ARHGAP44: variants seen among roughly 807,000 people sequenced by gnomAD.
The protein encoded by ARHGAP44 is rho GTPase-activating protein 44.
Under a neutral mutation model 106.8 loss-of-function variants are expected in ARHGAP44, and 43 were observed. The observed-to-expected ratio is 0.40, with a 90% CI of 0.32 to 0.52. The LOEUF (loss-of-function observed/expected upper bound fraction) is 0.52. Ranked by LOEUF, ARHGAP44 falls within the 20% of genes least tolerant of loss-of-function variation. The pLI is 0.48. For synonymous variants in ARHGAP44, 439 were observed against 410.3 expected, an observed-to-expected ratio of 1.07 and a Z score of -0.85; for missense variants, 866 against 1,050.5, an observed-to-expected ratio of 0.82 and a Z score of 2.43.
At chr17:12,801,919 A>G (rs181770664) in intron 1 of ARHGAP44, among the ~76,000 whole-genome samples, 15 of 152,308 alleles carry the variant, frequency 9.8e-5, no homozygotes, top group African/African-American at 3.6e-4. Context: ...CCAGGGCTCA[A>G]AGTAGACAAC....
rs766941988 is a variant in ARHGAP44 at position 12,944,139 on chromosome 17, C to T, written c.804C>T (p.Ile268=). ...EEHLTISGRE[I]AFPIEACVTM... is the part of the protein sequence containing the mutation. Reference sequence around the variant, plus strand: ...ACCTCACCATCAGCGGCCGGGAGATCGCCTTCCCCATCGAGGCGTGTGTGA... The same window carrying T: ...ACCTCACCATCAGCGGCCGGGAGATTGCCTTCCCCATCGAGGCGTGTGTGA... Residue 268 remains isoleucine, a synonymous_variant, in exon 10 of 21, where the codon ATC becomes ATT. Coordinates refer to ENST00000379672, the MANE Select transcript of ARHGAP44 (RefSeq NM_014859.6). 43 of 1,612,774 alleles carry T rather than the reference C, an allele frequency of 2.7e-5. No individual in the cohort carries two copies. The highest frequency in any genetic ancestry group is 1.7e-4 in the Middle Eastern group (1 of 6,060).
rs1338280594 is a variant in ARHGAP44, at chr17:12,807,296, T to C, written c.53+17405T>C. Among the ~76,000 whole-genome samples the C allele has an allele frequency of 3.9e-5, 6 of 152,106 alleles. No homozygotes were observed. The East Asian group carries it at 1.2e-3, about 29-fold the overall frequency. On this transcript the variant is annotated intron_variant, in intron 1 of 20. Coordinates refer to ENST00000379672, the MANE Select transcript of ARHGAP44 (RefSeq NM_014859.6). ...GAATTGCCATTGTTATTATTTTAAA[T>C]GGGAATAGCAAGGTCAGGCTTGGGT...
At chr17:12,898,939 A>C (rs2037294077) in intron 3 of ARHGAP44, among the ~76,000 whole-genome samples, 1 of 148,572 alleles carries the variant, frequency 6.7e-6, no homozygotes, top group Non-Finnish European at 1.5e-5. Context: ...TGTATAGGTC[A>C]GTGATTTCAC....
At chr17:12,846,058 G>A (rs749661197) in intron 1 of ARHGAP44, among the ~76,000 whole-genome samples, 2 of 78,290 alleles carry the variant, frequency 2.6e-5, no homozygotes, top group South Asian at 4.0e-4. Flanking sequence ...GTTTTTCACC[G>A]TTATGAGGAA....
intron 13 of ARHGAP44, among the ~76,000 whole-genome samples, chr17:12,953,551 G>A (rs563101743): frequency 5.9e-5 from 9 of 152,332 alleles, no homozygotes; most frequent in African/African-American, 2.2e-4. Flanking sequence ...ATCGAAAGCA[G>A]GGACTTAATA....
chr17:12,898,374 C>T (rs896536276), intron 3 of ARHGAP44, among the ~76,000 whole-genome samples: 2 of 152,100 alleles, frequency 1.3e-5, no homozygotes, highest in Admixed American at 6.5e-5. Flanking sequence ...CTAGGAATTG[C>T]CTAGCCTGGG....
intron 7 of ARHGAP44, 97 bp from the exon 8 acceptor site, chr17:12,940,959 T>A: frequency 1.0e-6 from 1 of 966,292 alleles, no homozygotes; most frequent in South Asian, 1.6e-5. Context: ...GATTAAGCAG[T>A]GTTTAAGGCT....
intron 1 of ARHGAP44, among the ~76,000 whole-genome samples, chr17:12,824,556 C>G (rs7226011): frequency 0.18 from 28,015 of 151,932 alleles, 3,291 homozygotes; most frequent in African/African-American, 0.33. Flanking sequence ...AACCTCGACC[C>G]TACTTTCTTT....
chr17:12,792,986 T>C (rs1020079997), intron 1 of ARHGAP44, among the ~76,000 whole-genome samples: 3 of 152,226 alleles, frequency 2.0e-5, no homozygotes, highest in African/African-American at 7.2e-5. Context: ...AACTTTCCCC[T>C]TTCTGTCCCT....
chr17:12,843,843 T>A (rs2035489400), intron 1 of ARHGAP44, among the ~76,000 whole-genome samples: 1 of 151,582 alleles, frequency 6.6e-6, no homozygotes, highest in Non-Finnish European at 1.5e-5. Context: ...TTTAGTAGAT[T>A]CGGGGGTTTC....
rs185762867 is a variant in ARHGAP44, at chr17:12,967,803, C to A, written c.1524-5499C>A. 2.0e-5 allele frequency among the ~76,000 whole-genome samples: 3 copies of A among 152,260 alleles called. No individual in the cohort carries two copies. In the East Asian group the frequency reaches 5.8e-4, roughly 29 times the overall value. ...GGTTGCAGACTTTAAAAGAAGCATGCCATTTCATCTCCAGCATCAACGAGC... is the reference window on the plus strand; with the variant it reads ...GGTTGCAGACTTTAAAAGAAGCATGACATTTCATCTCCAGCATCAACGAGC... On this transcript the variant is annotated intron_variant, in intron 16 of 20. Transcript: ENST00000379672.
At chr17:12,864,392 C>T (rs919873718) in intron 1 of ARHGAP44, among the ~76,000 whole-genome samples, 3 of 152,058 alleles carry the variant, frequency 2.0e-5, no homozygotes, top group African/African-American at 7.2e-5. Flanking sequence ...CTATTTGATA[C>T]CGTCAACCAC....
At chr17:12,842,217 C>T (rs1387595919) in intron 1 of ARHGAP44, among the ~76,000 whole-genome samples, 1 of 151,542 alleles carries the variant, frequency 6.6e-6, no homozygotes, top group Non-Finnish European at 1.5e-5. Context: ...TTAAGACTAG[C>T]CTGAGCAACA....
In ARHGAP44 at chr17:12,985,024, TGG is replaced by T. The variant is rs914113140; in HGVS notation, c.2317+118_2317+119del. Reference sequence around the variant, plus strand: ...ACATTCCTGCGTGCTTTGGGATGACTGGGCTGGCACCAGGGGTAGCTCATAAG... The same window carrying T: ...ACATTCCTGCGTGCTTTGGGATGACTGCTGGCACCAGGGGTAGCTCATAAG... On this transcript the variant is annotated intron_variant, in intron 20 of 20. Coordinates refer to ENST00000379672, the MANE Select transcript of ARHGAP44 (RefSeq NM_014859.6). 1.6e-5 allele frequency: 22 copies of T among 1,344,226 alleles called. No homozygotes were observed. The African/African-American group carries it at 3.1e-4, about 19-fold the overall frequency. 83.3% of individuals were successfully genotyped at this position (1,344,226 alleles called of 1,614,324 possible).
At chr17:12,986,248 C>T (rs80223158) in intron 20 of ARHGAP44, 13,029 of 152,188 alleles carry the variant, frequency 0.086, 777 homozygotes, top group Middle Eastern at 0.19. Context: ...AGTAGCACCA[C>T]GCCCATCTTG....
chr17:12,796,213 C>A (rs2033915151), intron 1 of ARHGAP44, among the ~76,000 whole-genome samples: 1 of 151,540 alleles, frequency 6.6e-6, no homozygotes, highest in South Asian at 2.1e-4. Flanking sequence ...GTTTTGTAAC[C>A]TGTTTTTTTT....
intron 19 of ARHGAP44, 55 bp from the exon 20 acceptor site, chr17:12,984,476 G>A: frequency 6.7e-7 from 1 of 1,497,926 alleles, no homozygotes; most frequent in East Asian, 2.3e-5. Flanking sequence ...GGCCCCACAA[G>A]TGGCTTCATT....
intron 1 of ARHGAP44, among the ~76,000 whole-genome samples, chr17:12,847,714 T>A (rs1218100071): frequency 6.6e-6 from 1 of 151,898 alleles, no homozygotes; most frequent in Non-Finnish European, 1.5e-5. Flanking sequence ...AGACGGGGTT[T>A]CACCGTGGTC....
At position 12,809,802 on chromosome 17, in the gene ARHGAP44, G is replaced by T. The variant is rs117270888; in HGVS notation, c.53+19911G>T. Among the ~76,000 whole-genome samples, 86 of 152,312 alleles carry T rather than the reference G, an allele frequency of 5.6e-4. 1 individual carries two copies. In the East Asian group the frequency reaches 0.013, roughly 23 times the overall value. On this transcript the variant is annotated intron_variant, in intron 1 of 20. Transcript: ENST00000379672. ...CCATGAGGAAAGGAGCCATGGAAGG[G>T]TTTCAGAGATAAAGGCCATGGTGGA...
Sources: gnomAD v4.1 joint callset for allele counts (sites outside exome capture counted in the v4.1 genomes callset) on GRCh38, gnomAD v4.1.1 for gene constraint, MANE v1.5 for transcripts, NCBI Gene and HGNC (gene_info 2026-07-23, HGNC 2026-07-21) for gene names.